The following METTL2A variants were observed in gnomAD, a reference collection of about 807,000 sequenced individuals.
The protein encoded by METTL2A is tRNA N(3)-cytidine methyltransferase METTL2A.
A neutral mutation model predicts 49.4 loss-of-function variants in METTL2A; 45 were observed. That is an observed-to-expected ratio of 0.91 (90% confidence interval 0.72 to 1.17). The LOEUF (loss-of-function observed/expected upper bound fraction) is 1.17. Ranked by LOEUF, METTL2A falls within the 50% of genes most tolerant of loss-of-function variation. The pLI, the probability that METTL2A is intolerant of heterozygous loss-of-function variation, is 0.00. For synonymous variants in METTL2A, 118 were observed against 167.5 expected, an observed-to-expected ratio of 0.70 and a Z score of 2.28; for missense variants, 361 against 462.2, an observed-to-expected ratio of 0.78 and a Z score of 2.01.
At chr17:62,438,002 G>T (rs1192404404) in intron 5 of METTL2A, among the ~76,000 whole-genome samples, 1 of 151,280 alleles carries the variant, frequency 6.6e-6, no homozygotes, top group Non-Finnish European at 1.5e-5. Flanking sequence ...GTTACAATTG[G>T]CCGGGCATGG....
chr17:62,423,909 G>C lies in METTL2A; in HGVS notation c.7G>C (p.Gly3Arg), dbSNP rs776125503. Residue 3 changes from glycine to arginine, a missense_variant, in exon 1 of 9, where the codon GGC becomes CGC. By Grantham distance (125) the Gly-to-Arg change is moderately radical. Transcript: ENST00000311506. The stretch of plus-strand genomic sequence containing the variant: ...TGTTTCCGGCTCCGGTGTCATGGCC[G>C]GCTCCTACCCTGAAGGTGCACCTGC... Reference protein sequence around the residue: MAGSYPEGAPAVL... With the variant: MARSYPEGAPAVL... The C allele has an allele frequency of 5.5e-5, 89 of 1,612,738 alleles. 2 individuals carry two copies. In the South Asian group the frequency reaches 9.0e-4, roughly 16 times the overall value.
intron 5 of METTL2A, among the ~76,000 whole-genome samples, chr17:62,439,507 T>C (rs1000377396): frequency 8.6e-5 from 13 of 151,692 alleles, no homozygotes; most frequent in African/African-American, 3.1e-4. Context: ...CATCTCAGCT[T>C]ACTGAAAGCT....
At position 62,449,058 on chromosome 17, in the gene METTL2A, A is replaced by G. The variant is rs2070788594; in HGVS notation, c.*329A>G. 2 of 249,016 alleles carry G rather than the reference A, an allele frequency of 8.0e-6. No individual in the cohort carries two copies. The highest frequency in any genetic ancestry group is 5.0e-5 in the Admixed American group (1 of 20,102). The allele number at this position is 249,016 out of a possible 1,614,324, so 15.4% of individuals were successfully genotyped here. The stretch of plus-strand genomic sequence containing the variant: ...TCATATTTGTGAAGTCCTTTAAAAC[A>G]TAATTTTCTCAAGTTCTTTCTTTGA... On this transcript the variant is annotated 3_prime_UTR_variant, in exon 9 of 9. Coordinates refer to ENST00000311506, the MANE Select transcript of METTL2A (RefSeq NM_181725.4).
chr17:62,439,233 G>A (rs1327873025), intron 5 of METTL2A, among the ~76,000 whole-genome samples: 1 of 151,314 alleles, frequency 6.6e-6, no homozygotes, highest in Non-Finnish European at 1.5e-5. Flanking sequence ...CTCCCACCTC[G>A]ACCTCCCAAA....
At chr17:62,438,058 A>G (rs891766183) in intron 5 of METTL2A, among the ~76,000 whole-genome samples, 1 of 152,002 alleles carries the variant, frequency 6.6e-6, no homozygotes, top group Non-Finnish European at 1.5e-5. Context: ...ACTTGAGGTC[A>G]GGAGTTCAAG....
chr17:62,448,494 C>G, intron 8 of METTL2A, 81 bp from the exon 9 acceptor site: 2 of 1,542,280 alleles, frequency 1.3e-6, no homozygotes, highest in East Asian at 4.5e-5. Flanking sequence ...TCCCAGAGCC[C>G]CTTTTAACAA....
Position 62,447,381 on chromosome 17 carries a change from T to C in METTL2A, c.917-320T>C, listed in dbSNP as rs1598038446. Among the ~76,000 whole-genome samples the C allele has an allele frequency of 4.6e-5, 7 of 152,076 alleles. No homozygotes were observed. The South Asian group carries it at 1.2e-3, about 27-fold the overall frequency. On this transcript the variant is annotated intron_variant, in intron 7 of 8. Transcript: ENST00000311506. ...GTTGCAGTGATCCGAGGTCACGCCA[T>C]TGCACCCAGCCTAGGCAACAAGAGC...
intron 4 of METTL2A, among the ~76,000 whole-genome samples, chr17:62,429,375 C>T (rs1472387732): frequency 6.6e-6 from 1 of 152,090 alleles, no homozygotes; most frequent in East Asian, 1.9e-4. Context: ...ATTGCAACCT[C>T]CGCCTTCCGG....
At chr17:62,447,151 G>A (rs1307253500) in intron 7 of METTL2A, among the ~76,000 whole-genome samples, 1 of 152,184 alleles carries the variant, frequency 6.6e-6, no homozygotes, top group Non-Finnish European at 1.5e-5. Context: ...AGGCACGGTG[G>A]CTCATGCCTT....
In METTL2A at chr17:62,448,934, A is replaced by G; in HGVS notation, c.*205A>G. The G allele has an allele frequency of 1.6e-6, 1 of 621,930 alleles. No homozygotes were observed. The highest frequency in any genetic ancestry group is 2.4e-6 in the Non-Finnish European group (1 of 411,778). 38.5% of individuals were successfully genotyped at this position (621,930 alleles called of 1,614,324 possible). On this transcript the variant is annotated 3_prime_UTR_variant, in exon 9 of 9. Coordinates refer to ENST00000311506, the MANE Select transcript of METTL2A (RefSeq NM_181725.4). Reference sequence around the variant, plus strand: ...GAAAGTAATAATAAAAATAAAAAATATAAATGAGGTCTCGTTGATGTTGGA... The same window carrying G: ...GAAAGTAATAATAAAAATAAAAAATGTAAATGAGGTCTCGTTGATGTTGGA...
chr17:62,425,945 G>A (rs148174780), intron 2 of METTL2A, among the ~76,000 whole-genome samples: 14,177 of 150,656 alleles, frequency 0.094, 1,772 homozygotes, highest in East Asian at 0.45. Context: ...AGCTTGCAGT[G>A]AGCCAAGATT....
At chr17:62,434,137 T>C (rs2070685027) in intron 4 of METTL2A, among the ~76,000 whole-genome samples, 1 of 152,142 alleles carries the variant, frequency 6.6e-6, no homozygotes, top group Non-Finnish European at 1.5e-5. Context: ...AGCAGTGCTG[T>C]GGAATAGAAC....
At chr17:62,447,303 C>T (rs2070775425) in intron 7 of METTL2A, among the ~76,000 whole-genome samples, 1 of 152,052 alleles carries the variant, frequency 6.6e-6, no homozygotes, top group African/African-American at 2.4e-5. Context: ...ACCTGTAATC[C>T]CAGCTACTTG....
chr17:62,431,525 G>A (rs2070665331), intron 4 of METTL2A, among the ~76,000 whole-genome samples: 1 of 151,822 alleles, frequency 6.6e-6, no homozygotes, highest in African/African-American at 2.4e-5. Context: ...GCTAATTTTT[G>A]TCTTTTTTGT....
chr17:62,447,947 C>T (rs1376924966), intron 8 of METTL2A, among the ~76,000 whole-genome samples, 181 bp downstream of exon 8: 1 of 152,346 alleles, frequency 6.6e-6, no homozygotes, highest in East Asian at 1.9e-4. Context: ...CAGCCAGGCA[C>T]TGGGGCCCCC....
rs2070791153 is a variant in METTL2A, at chr17:62,449,404, G to A, written c.*675G>A. On this transcript the variant is annotated 3_prime_UTR_variant, in exon 9 of 9. Transcript: ENST00000311506. ...TGGTGTTCTTGTTAAGTAATTGATC[G>A]TGGTCTTCGCTTTAATCTTAGTTCC... The A allele has an allele frequency of 8.8e-6, 4 of 453,174 alleles. No individual in the cohort carries two copies. The highest frequency in any genetic ancestry group is 1.3e-5 in the Non-Finnish European group (3 of 226,244). 28.1% of individuals were successfully genotyped at this position (453,174 alleles called of 1,614,324 possible).
intron 4 of METTL2A, among the ~76,000 whole-genome samples, chr17:62,431,909 T>C (rs9889387): frequency 0.034 from 5,123 of 152,142 alleles, 301 homozygotes; most frequent in African/African-American, 0.11. Flanking sequence ...TTAGAAGAAA[T>C]GGGGATTCAC....
At chr17:62,441,992 G>A (rs2070741745) in intron 6 of METTL2A, among the ~76,000 whole-genome samples, 1 of 151,618 alleles carries the variant, frequency 6.6e-6, no homozygotes, top group Non-Finnish European at 1.5e-5. Context: ...ATGACCTCAT[G>A]ATCCGCCCGC....
At position 62,451,885 on chromosome 17, in the gene METTL2A, C is replaced by T. The variant is rs916244030; in HGVS notation, c.*3156C>T. ...AGCCTGGGCAACAAGAGTGAAACTC[C>T]GTCTCAAAAAAAAAAAAAAAAAAAA... On this transcript the variant is annotated 3_prime_UTR_variant, in exon 9 of 9. Transcript: ENST00000311506. Among the ~76,000 whole-genome samples, 8 of 138,628 alleles carry T rather than the reference C, an allele frequency of 5.8e-5. No individual in the cohort carries two copies. Among genetic ancestry groups the T allele is most frequent in the African/African-American group, 1.7e-4 (6 of 35,870 alleles). The allele number at this position is 138,628 out of a possible 152,430, so 90.9% of individuals were successfully genotyped here.
Sources: allele counts gnomAD v4.1 joint callset (sites outside exome capture counted in the v4.1 genomes callset), GRCh38; gene constraint gnomAD v4.1.1; transcripts MANE v1.5; gene names NCBI Gene and HGNC (gene_info 2026-07-23, HGNC 2026-07-21).